Variants in SBNO2 observed in about 807,000 individuals in gnomAD.
The protein encoded by SBNO2 is protein strawberry notch homolog 2.
In SBNO2, 89 loss-of-function variants were observed where a neutral mutation model predicts 146.3. That is an observed-to-expected ratio of 0.61 (90% confidence interval 0.51 to 0.73). The LOEUF (loss-of-function observed/expected upper bound fraction) is 0.73. SBNO2 is among the 30% of genes least tolerant of loss of function. The pLI is 0.00. For missense variants in SBNO2, 2,092 were observed against 2,003.7 expected (o/e 1.04, Z -0.84); for synonymous variants, 1,147 against 892.6 (o/e 1.29, Z -5.08).
chr19:1,124,092 G>A (rs1453700303), intron 5 of SBNO2, 70 bp from the exon 6 acceptor site: 1 of 1,430,316 alleles, frequency 7.0e-7, no homozygotes, highest in Admixed American at 1.9e-5. Context: ...CTCGCAGCCT[G>A]GCCACCAGAG....
chr19:1,143,667 C>T (rs2080160589), intron 4 of SBNO2, among the ~76,000 whole-genome samples: 1 of 152,108 alleles, frequency 6.6e-6, no homozygotes, highest in South Asian at 2.1e-4. Flanking sequence ...TCCCCCTTCA[C>T]GGCCAGAGCG....
rs1004964546 is a variant in SBNO2 at position 1,136,383 on chromosome 19, C to T, written c.280-8618G>A. ...CTGGTATGGGCCCTGGGGCCGCCGC[C>T]TCAGTGTCTTCTGGTGCTGCAGCCG... On this transcript the variant is annotated intron_variant, in intron 4 of 31. Coordinates refer to ENST00000361757, the MANE Select transcript of SBNO2 (RefSeq NM_014963.3). The surrounding 1 kb of genome is among the most constrained non-coding windows in gnomAD (Gnocchi z 4.2). 3.3e-5 allele frequency among the ~76,000 whole-genome samples: 5 copies of T among 152,260 alleles called. No homozygotes were observed. The highest frequency in any genetic ancestry group is 7.3e-5 in the Non-Finnish European group (5 of 68,044).
rs1304757834 is a variant in SBNO2 at position 1,144,924 on chromosome 19, A to AGAGACAGAGACAGAGAGG, written c.279+2367_279+2384dup. Among the ~76,000 whole-genome samples the AGAGACAGAGACAGAGAGG allele has an allele frequency of 6.6e-6, 1 of 150,818 alleles. No individual in the cohort carries two copies. The highest frequency in any genetic ancestry group is 1.5e-5 in the Non-Finnish European group (1 of 67,710). The stretch of plus-strand genomic sequence containing the variant: ...GAGGCGGAGATGGAGACAGAGACAG[A>AGAGACAGAGACAGAGAGG]GAGACAGAGACAGAGAGGGAGACAG... On this transcript the variant is annotated intron_variant, in intron 4 of 31. Coordinates refer to ENST00000361757, the MANE Select transcript of SBNO2 (RefSeq NM_014963.3). This position sits in a 1 kb window ranked among gnomAD's most constrained non-coding sequence, Gnocchi z 4.1.
chr19:1,144,727 G>A lies in SBNO2; in HGVS notation c.279+2582C>T, dbSNP rs117417940. Among the ~76,000 whole-genome samples the A allele has an allele frequency of 0.053, 7,929 of 150,712 alleles. 353 individuals carry two copies. The highest frequency in any genetic ancestry group is 0.088 in the Middle Eastern group (26 of 294). ...AGGGAAACAGACACAGAGGCAGAGA[G>A]GGAGACAAAGAGACAGGTGGAGAGG... On this transcript the variant is annotated intron_variant, in intron 4 of 31. Transcript: ENST00000361757. The surrounding 1 kb of genome is among the most constrained non-coding windows in gnomAD (Gnocchi z 4.1).
intron 1 of SBNO2, among the ~76,000 whole-genome samples, chr19:1,165,657 TCCCAGAC>T (rs1197091476): frequency 1.3e-4 from 8 of 60,570 alleles, no homozygotes; most frequent in South Asian, 5.9e-4. Flanking sequence ...GATCCCTAGA[TCCCAGAC>T]CCCAGACCCC....
rs1230623967 is a variant in SBNO2 at position 1,150,275 on chromosome 19, C to T, written c.94-833G>A. 2.0e-5 allele frequency among the ~76,000 whole-genome samples: 3 copies of T among 152,260 alleles called. No homozygotes were observed. The highest frequency in any genetic ancestry group is 4.4e-5 in the Non-Finnish European group (3 of 68,002). ...CCAAAACCTGAGGATGGGGAGCACA[C>T]GGGGCAGCAGCGGGCCCAAGGGCGG... On this transcript the variant is annotated intron_variant, in intron 2 of 31. Coordinates refer to ENST00000361757, the MANE Select transcript of SBNO2 (RefSeq NM_014963.3). This position sits in a 1 kb window ranked among gnomAD's most constrained non-coding sequence, Gnocchi z 6.2.
intron 4 of SBNO2, among the ~76,000 whole-genome samples, chr19:1,143,216 G>A (rs191019220): frequency 1.1e-4 from 17 of 152,284 alleles, no homozygotes; most frequent in Admixed American, 4.6e-4. Context: ...GGTGGCTCAC[G>A]CCTGTAATCC....
chr19:1,123,572 C>T lies in SBNO2; in HGVS notation c.590G>A (p.Gly197Glu). 1.9e-6 allele frequency: 3 copies of T among 1,613,602 alleles called. No individual in the cohort carries two copies. The highest frequency in any genetic ancestry group is 1.7e-6 in the Non-Finnish European group (2 of 1,179,814). ...EAEEEEAEEL[G>E]HTETYADYVP... ...GTAGTCGGCGTAGGTCTCTGTGTGC[C>T]CCAGCTCCTCCGCCTCCTCCTCCTC... The change falls in exon 7 of 32, where the codon GGG (glycine) becomes GAG (glutamate). Residue 197 changes from glycine to glutamate, a missense_variant. Coordinates refer to ENST00000361757, the MANE Select transcript of SBNO2 (RefSeq NM_014963.3).
rs1406975229 is a variant in SBNO2, at chr19:1,150,299, G to A, written c.94-857C>T. 2.6e-5 allele frequency among the ~76,000 whole-genome samples: 4 copies of A among 152,262 alleles called. No homozygotes were observed. Among genetic ancestry groups the A allele is most frequent in the African/African-American group, 4.8e-5 (2 of 41,556 alleles). ...ACGGGGCAGCAGCGGGCCCAAGGGCGGCAGCGGGCCCAGGGTCAGCACCTG... is the reference window on the plus strand; with the variant it reads ...ACGGGGCAGCAGCGGGCCCAAGGGCAGCAGCGGGCCCAGGGTCAGCACCTG... On this transcript the variant is annotated intron_variant, in intron 2 of 31. Transcript: ENST00000361757. The surrounding 1 kb of genome is among the most constrained non-coding windows in gnomAD (Gnocchi z 6.2).
intron 4 of SBNO2, among the ~76,000 whole-genome samples, chr19:1,134,533 C>T (rs2080068352): frequency 1.3e-5 from 2 of 152,182 alleles, no homozygotes; most frequent in African/African-American, 2.4e-5. Context: ...CAGTGAAAGA[C>T]GCCAAACACA....
intron 4 of SBNO2, among the ~76,000 whole-genome samples, chr19:1,142,891 C>T (rs527606082): frequency 3.6e-4 from 55 of 152,004 alleles, no homozygotes; most frequent in African/African-American, 1.2e-3. Context: ...CGCTTGAACC[C>T]GCCAGGCAGA....
intron 11 of SBNO2, among the ~76,000 whole-genome samples, chr19:1,120,518 C>T (rs1388127142): frequency 6.6e-6 from 1 of 152,136 alleles, no homozygotes; most frequent in African/African-American, 2.4e-5. Context: ...AGGTGTGTGC[C>T]ACCACCACAA....
chr19:1,132,428 C>G (rs1441374142), intron 4 of SBNO2, among the ~76,000 whole-genome samples: 1 of 152,202 alleles, frequency 6.6e-6, no homozygotes, highest in Non-Finnish European at 1.5e-5. Context: ...ACACGCAACC[C>G]CACCCGTGCC....
rs1254654001 is a variant in SBNO2 at position 1,140,911 on chromosome 19, G to A, written c.279+6398C>T. 1.3e-5 allele frequency among the ~76,000 whole-genome samples: 2 copies of A among 152,120 alleles called. No homozygotes were observed. The highest frequency in any genetic ancestry group is 1.9e-4 in the East Asian group (1 of 5,196). ...AACGCCAGGCACTCCGGTCCACGCCGCACTGTACATGGTGCCGTCTGAGGG... is the reference window on the plus strand; with the variant it reads ...AACGCCAGGCACTCCGGTCCACGCCACACTGTACATGGTGCCGTCTGAGGG... On this transcript the variant is annotated intron_variant, in intron 4 of 31. Transcript: ENST00000361757. This position sits in a 1 kb window ranked among gnomAD's most constrained non-coding sequence, Gnocchi z 4.4.
At chr19:1,151,204 G>A (rs1181536290) in intron 2 of SBNO2, among the ~76,000 whole-genome samples, 2 of 152,220 alleles carry the variant, frequency 1.3e-5, no homozygotes, top group Non-Finnish European at 2.9e-5. Context: ...GACCAACCCA[G>A]CCTCCTCAGA....
At chr19:1,159,435 G>C (rs955917348) in intron 1 of SBNO2, among the ~76,000 whole-genome samples, 1 of 141,582 alleles carries the variant, frequency 7.1e-6, no homozygotes, top group Non-Finnish European at 1.5e-5. Flanking sequence ...AGAGACCTTG[G>C]GGGGACGGGG....
chr19:1,153,309 C>T (rs2080259706), intron 2 of SBNO2, among the ~76,000 whole-genome samples: 2 of 151,170 alleles, frequency 1.3e-5, no homozygotes, highest in African/African-American at 4.9e-5. Flanking sequence ...GCAATCTCTG[C>T]TCACTGCAGC....
Position 1,108,689 on chromosome 19 carries a change from T to C in SBNO2, c.3632A>G (p.Glu1211Gly). The C allele has an allele frequency of 6.5e-7, 1 of 1,543,532 alleles. No homozygotes were observed. The part of the protein sequence containing the change: ...RKKQVGIKIP[E>G]GCVRRVLQEL... ...CTGCAGCACCCGGCGCACGCAGCCC[T>C]CGGGGATCTTGATGCCTGCGGGCAG... The change falls in exon 32 of 32, where the codon GAG becomes GGG. Residue 1211 changes from glutamate (E) to glycine (G), a missense_variant. Physicochemically the swap from Glu to Gly is moderately conservative, Grantham distance 98. Transcript: ENST00000361757.
Position 1,110,954 on chromosome 19 carries a change from C to G in SBNO2, c.2884+65G>C, listed in dbSNP as rs1444791944. Reference sequence around the variant, plus strand: ...TCCCTCTCCCTGCTTTGCTCACCACCCGAGGCCAAGGTTGCATGAGATGAG... The same window carrying G: ...TCCCTCTCCCTGCTTTGCTCACCACGCGAGGCCAAGGTTGCATGAGATGAG... On this transcript the variant is annotated intron_variant, in intron 25 of 31. Coordinates refer to ENST00000361757, the MANE Select transcript of SBNO2 (RefSeq NM_014963.3). The surrounding 1 kb of genome is among the most constrained non-coding windows in gnomAD (Gnocchi z 4.9). 1 of 1,610,554 alleles carries G rather than the reference C, an allele frequency of 6.2e-7. No homozygotes were observed. The highest frequency in any genetic ancestry group is 8.5e-7 in the Non-Finnish European group (1 of 1,177,738).
Sources: allele counts gnomAD v4.1 joint callset (sites outside exome capture counted in the v4.1 genomes callset), GRCh38; gene constraint gnomAD v4.1.1; non-coding constraint Gnocchi (gnomAD v3.1); transcripts MANE v1.5; gene names NCBI Gene and HGNC (gene_info 2026-07-23, HGNC 2026-07-21).